The following PRKAA2 variants were observed in gnomAD, a reference collection of about 807,000 sequenced individuals.
PRKAA2 encodes the protein protein kinase AMP-activated catalytic subunit alpha 2.
A neutral mutation model predicts 56.3 loss-of-function variants in PRKAA2; 40 were observed. That is an observed-to-expected ratio of 0.71 (90% CI 0.55 to 0.92). The LOEUF (loss-of-function observed/expected upper bound fraction) is 0.92, where lower values mean the gene tolerates loss of function less well. PRKAA2 is among the 40% of genes least tolerant of loss of function. The probability of loss-of-function intolerance (pLI) is 0.00; values close to 1 mark genes in which losing one functional copy is unlikely to be tolerated. For missense variants in PRKAA2, 542 were observed against 686.9 expected (o/e 0.79, Z 2.36); for synonymous variants, 214 against 234.2 (o/e 0.91, Z 0.79).
intron 4 of PRKAA2, among the ~76,000 whole-genome samples, chr1:56,692,811 G>A (rs1557558954): frequency 1.4e-5 from 2 of 147,466 alleles, no homozygotes; most frequent in Non-Finnish European, 3.0e-5. Context: ...TTTTTGAAGA[G>A]AGGGGAGGAG....
At chr1:56,692,741 C>A (rs1644236701) in intron 4 of PRKAA2, among the ~76,000 whole-genome samples, 1 of 151,076 alleles carries the variant, frequency 6.6e-6, no homozygotes, top group Non-Finnish European at 1.5e-5. Flanking sequence ...CAAGATAAAT[C>A]CATTCAATCT....
At chr1:56,663,228 G>T (rs79697822) in intron 1 of PRKAA2, among the ~76,000 whole-genome samples, 3,791 of 152,250 alleles carry the variant, frequency 0.025, 71 homozygotes, top group Middle Eastern at 0.051. Flanking sequence ...TGAGACTGTA[G>T]GCCTGTGCCA....
chr1:56,694,516 G>T (rs1225725350), intron 5 of PRKAA2, among the ~76,000 whole-genome samples: 2 of 152,130 alleles, frequency 1.3e-5, no homozygotes, highest in African/African-American at 4.8e-5. Context: ...CAATAAAGGT[G>T]ATAGCTTATA....
Position 56,674,609 on chromosome 1 carries a change from C to G in PRKAA2, c.236+87C>G, listed in dbSNP as rs1644100399. 2.6e-6 allele frequency: 3 copies of G among 1,161,438 alleles called. No homozygotes were observed. In the East Asian group the frequency reaches 8.2e-5, roughly 32 times the overall value. 71.9% of individuals were successfully genotyped at this position (1,161,438 alleles called of 1,614,324 possible). A position where few individuals can be genotyped will look rare whatever the true frequency, so the allele number is the denominator to read the frequency against. ...TTTTATAATAATTGTTAATTGTTAACCTTTTACAAAGATTTTTTTTCATGT... is the reference window on the plus strand; with the variant it reads ...TTTTATAATAATTGTTAATTGTTAAGCTTTTACAAAGATTTTTTTTCATGT... On this transcript the variant is annotated intron_variant, in intron 2 of 8. Transcript: ENST00000371244.
At chr1:56,705,736 A>T (rs1343700517) in intron 7 of PRKAA2, among the ~76,000 whole-genome samples, 1 of 152,190 alleles carries the variant, frequency 6.6e-6, no homozygotes, top group Admixed American at 6.5e-5. Context: ...ATCCATGAAC[A>T]TGTTCAGGCA....
intron 6 of PRKAA2, among the ~76,000 whole-genome samples, chr1:56,703,675 G>C (rs930114051): frequency 1.3e-5 from 2 of 152,172 alleles, no homozygotes; most frequent in Non-Finnish European, 2.9e-5. Flanking sequence ...TGAAATTTTT[G>C]CTTGAAAGCT....
chr1:56,708,007 A>G lies in PRKAA2; in HGVS notation c.*294A>G, dbSNP rs1299587665. On this transcript the variant is annotated 3_prime_UTR_variant, in exon 9 of 9. Transcript: ENST00000371244. The stretch of plus-strand genomic sequence containing the variant: ...AATGAGTTCACTACAGACGATTAAC[A>G]CACCACACTGGCGAACCATCTCAAT... The G allele has an allele frequency of 5.4e-6, 2 of 367,674 alleles. No homozygotes were observed. Among genetic ancestry groups the G allele is most frequent in the African/African-American group, 4.2e-5 (2 of 48,170 alleles). 22.8% of individuals were successfully genotyped at this position (367,674 alleles called of 1,614,324 possible). A position where few individuals can be genotyped will look rare whatever the true frequency, so the allele number is the denominator to read the frequency against.
intron 1 of PRKAA2, among the ~76,000 whole-genome samples, chr1:56,654,776 T>C (rs1253753543): frequency 6.6e-6 from 1 of 152,172 alleles, no homozygotes; most frequent in Non-Finnish European, 1.5e-5. Context: ...AAGGGAACAG[T>C]ATTCTTGCTT....
At chr1:56,696,382 C>CTTTTTTGACCTGATA in intron 6 of PRKAA2, among the ~76,000 whole-genome samples, 1 of 152,138 alleles carries the variant, frequency 6.6e-6, no homozygotes, top group East Asian at 1.9e-4. Context: ...TTTCTTGTTT[C>CTTTTTTGACCTGATA]TTTTTTGACC....
chr1:56,657,568 C>A (rs530257377), intron 1 of PRKAA2, among the ~76,000 whole-genome samples: 1 of 151,922 alleles, frequency 6.6e-6, no homozygotes, highest in East Asian at 1.9e-4. Context: ...CCCAGCTACT[C>A]GGGAGGCTGA....
chr1:56,706,116 G>A lies in PRKAA2; in HGVS notation c.1318G>A (p.Val440Ile), dbSNP rs1164141817. 2.5e-6 allele frequency: 4 copies of A among 1,611,116 alleles called. No homozygotes were observed. Among genetic ancestry groups the A allele is most frequent in the African/African-American group, 2.7e-5 (2 of 74,820 alleles). The change falls in exon 8 of 9, where the codon GTA (valine) becomes ATA (isoleucine). Residue 440 changes from valine (V) to isoleucine (I), a missense_variant. Physicochemically the swap from Val to Ile is conservative, Grantham distance 29 (BLOSUM62 3). Transcript: ENST00000371244. ...WKVVNAYHLR[V>I]RRKNPVTGNY... ...GGTAGTGAATGCATACCATCTTCGT[G>A]TAAGAAGAAAAAATCCAGTGACTGG...
intron 6 of PRKAA2, among the ~76,000 whole-genome samples, chr1:56,701,334 G>A (rs1410038796): frequency 1.3e-5 from 2 of 152,018 alleles, no homozygotes; most frequent in African/African-American, 2.4e-5. Flanking sequence ...GGCAGAGGTT[G>A]CAGTGAGCCA....
chr1:56,686,316 T>C (rs1569767435), intron 2 of PRKAA2, among the ~76,000 whole-genome samples: 2 of 152,218 alleles, frequency 1.3e-5, no homozygotes, highest in Admixed American at 1.3e-4. Flanking sequence ...CTGTCTTTGG[T>C]ATTATCTTTT....
At chr1:56,660,611 T>C (rs1173320914) in intron 1 of PRKAA2, among the ~76,000 whole-genome samples, 1 of 152,194 alleles carries the variant, frequency 6.6e-6, no homozygotes, top group African/African-American at 2.4e-5. Context: ...CTTATCCTCT[T>C]AAGCATGCAA....
In PRKAA2 at chr1:56,707,706, C is replaced by G. The variant is rs1644342027; in HGVS notation, c.1652C>G (p.Ala551Gly). 1.3e-6 allele frequency: 2 copies of G among 1,587,056 alleles called. No individual in the cohort carries two copies. Among genetic ancestry groups the G allele is most frequent in the Non-Finnish European group, 8.7e-7 (1 of 1,155,556 alleles). The change falls in exon 9 of 9, where the codon GCC (alanine) becomes GGC (glycine). Residue 551 changes from alanine to glycine, a missense_variant. Ala to Gly is a moderately conservative substitution (Grantham distance 60, BLOSUM62 0). Around this residue, in one of 5 missense-constraint regions of PRKAA2, gnomAD observed 158 missense variants for 166.1 expected, o/e 0.95. Transcript: ENST00000371244. Reference sequence around the variant, plus strand: ...TGTGCCAGTCTGATTACTACTTTAGCCCGTTGATCTGTCTCTAGTTTCTTT... The same window carrying G: ...TGTGCCAGTCTGATTACTACTTTAGGCCGTTGATCTGTCTCTAGTTTCTTT... ...EMCASLITTL[A>G]R is the part of the protein sequence containing the mutation.
intron 2 of PRKAA2, among the ~76,000 whole-genome samples, chr1:56,686,197 C>T (rs1473705015): frequency 2.0e-5 from 3 of 152,198 alleles, no homozygotes; most frequent in Non-Finnish European, 2.9e-5. Flanking sequence ...GGGCAAAAGA[C>T]ACAGCATTTT....
At chr1:56,696,228 T>G in intron 6 of PRKAA2, 69 bp downstream of exon 6, 2 of 1,430,138 alleles carry the variant, frequency 1.4e-6, no homozygotes. Context: ...TAAATGATTC[T>G]CCCAAAGTCT....
At chr1:56,701,964 G>T (rs1030117352) in intron 6 of PRKAA2, among the ~76,000 whole-genome samples, 1 of 152,010 alleles carries the variant, frequency 6.6e-6, no homozygotes, top group Non-Finnish European at 1.5e-5. Context: ...AGAATGTATT[G>T]TGATAGAAAA....
Position 56,696,112 on chromosome 1 carries a change from T to C in PRKAA2, c.741T>C (p.His247=). ...GTTCTGTCGCCACTCTCCTGATGCA[T>C]ATGCTGCAGGTTGACCCACTGAAAC... The part of the protein sequence containing the change: ...LNRSVATLLM[H]MLQVDPLKRA... Residue 247 remains histidine, a synonymous_variant, in exon 6 of 9, where the codon CAT becomes CAC. Transcript: ENST00000371244. 1.2e-6 allele frequency: 2 copies of C among 1,613,772 alleles called. No homozygotes were observed. Among genetic ancestry groups the C allele is most frequent in the Non-Finnish European group, 1.7e-6 (2 of 1,179,972 alleles).
Sources: gnomAD v4.1 joint callset for allele counts (sites outside exome capture counted in the v4.1 genomes callset) on GRCh38, gnomAD v4.1.1 for gene constraint, gnomAD v4.1.1 regional missense constraint, MANE v1.5 for transcripts, NCBI Gene and HGNC (gene_info 2026-07-23, HGNC 2026-07-21) for gene names.